The following MCTP2 variants were observed in gnomAD, a reference collection of about 807,000 sequenced individuals.
MCTP2 encodes the protein multiple C2 and transmembrane domain-containing protein 2.
MCTP2 carries 132 observed loss-of-function variants against 111.6 expected under a neutral mutation model. That is an observed-to-expected ratio of 1.18 (90% CI 1.03 to 1.37). MCTP2 has a LOEUF of 1.37. MCTP2 is among the 40% of genes most tolerant of loss of function. The pLI, the probability that MCTP2 is intolerant of heterozygous loss-of-function variation, is 0.00. For synonymous variants in MCTP2, 395 were observed against 387.7 expected, an observed-to-expected ratio of 1.02 and a Z score of -0.22; for missense variants, 1,183 against 1,067.9, an observed-to-expected ratio of 1.11 and a Z score of -1.50.
chr15:94,384,188 T>G, intron 13 of MCTP2, 64 bp downstream of exon 13: 1 of 1,059,174 alleles, frequency 9.4e-7, no homozygotes, highest in Non-Finnish European at 1.4e-6. Flanking sequence ...GGCTCTTGAG[T>G]GGAATTTTCT....
intron 17 of MCTP2, among the ~76,000 whole-genome samples, chr15:94,417,682 T>G (rs2082435895): frequency 6.6e-6 from 1 of 152,088 alleles, no homozygotes; most frequent in South Asian, 2.1e-4. Context: ...ATCGTTCTTG[T>G]TTTTAGTGGC....
chr15:94,299,552 T>C (rs2075499723), intron 2 of MCTP2, among the ~76,000 whole-genome samples: 1 of 152,204 alleles, frequency 6.6e-6, no homozygotes, highest in Admixed American at 6.5e-5. Context: ...AATATAATGA[T>C]GACACAAATA....
chr15:94,460,092 C>T (rs1450897522), intron 20 of MCTP2, among the ~76,000 whole-genome samples: 3 of 152,174 alleles, frequency 2.0e-5, no homozygotes, highest in Non-Finnish European at 4.4e-5. Context: ...CAAGAAATCT[C>T]TATTTCAATG....
chr15:94,276,472 ATTAAG>A (rs529360615), intron 1 of MCTP2, among the ~76,000 whole-genome samples: 476 of 152,166 alleles, frequency 3.1e-3, no homozygotes, highest in African/African-American at 0.011. Context: ...AGTTCTAGCA[ATTAAG>A]TAAGAAATTC....
In MCTP2 at chr15:94,360,452, C is replaced by A. The variant is rs532542775; in HGVS notation, c.1301+1840C>A. Among the ~76,000 whole-genome samples the A allele has an allele frequency of 2.6e-5, 4 of 152,320 alleles. No individual in the cohort carries two copies. In the East Asian group the frequency reaches 7.7e-4, roughly 29 times the overall value. ...GTGATATACCAGGACCCTGCCAATA[C>A]GGATGGTAGTAGGATTTGAAATTTT... On this transcript the variant is annotated intron_variant, in intron 10 of 22. Coordinates refer to ENST00000357742, the MANE Select transcript of MCTP2 (RefSeq NM_001385001.1).
chr15:94,434,375 GC>G (rs1282409829), intron 17 of MCTP2, among the ~76,000 whole-genome samples: 1 of 124,748 alleles, frequency 8.0e-6, no homozygotes, highest in Admixed American at 7.6e-5. Context: ...ACCACTCCCA[GC>G]CTATTTTTTT....
At chr15:94,410,583 T>C (rs749801043) in intron 17 of MCTP2, among the ~76,000 whole-genome samples, 66 of 152,270 alleles carry the variant, frequency 4.3e-4, no homozygotes, top group Admixed American at 7.9e-4. Flanking sequence ...TTTCAATGAC[T>C]TAATACTTCC....
chr15:94,330,720 G>T (rs1299743880), intron 4 of MCTP2, among the ~76,000 whole-genome samples: 1 of 148,472 alleles, frequency 6.7e-6, no homozygotes, highest in African/African-American at 2.6e-5. Flanking sequence ...AGAGATGCAG[G>T]CATATGGGAG....
At chr15:94,362,279 T>C (rs2078981389) in intron 10 of MCTP2, among the ~76,000 whole-genome samples, 1 of 152,182 alleles carries the variant, frequency 6.6e-6, no homozygotes, top group Non-Finnish European at 1.5e-5. Flanking sequence ...TAATATAGAT[T>C]ATTCCATTTT....
intron 19 of MCTP2, among the ~76,000 whole-genome samples, chr15:94,448,650 C>G (rs2084264623): frequency 6.6e-6 from 1 of 152,188 alleles, no homozygotes; most frequent in Non-Finnish European, 1.5e-5. Flanking sequence ...CAGAACACTT[C>G]TGGTCCCAAG....
intron 12 of MCTP2, among the ~76,000 whole-genome samples, chr15:94,379,256 G>A (rs1420814315): frequency 6.6e-6 from 1 of 152,030 alleles, no homozygotes; most frequent in Non-Finnish European, 1.5e-5. Context: ...TGAAGAGTTG[G>A]TGAACAGTGG....
At chr15:94,266,797 A>T (rs2073563208) in intron 1 of MCTP2, among the ~76,000 whole-genome samples, 1 of 152,196 alleles carries the variant, frequency 6.6e-6, no homozygotes. Context: ...AGCAATGAAG[A>T]GTTGAGTCAG....
At chr15:94,377,375 C>T (rs1358636325) in intron 12 of MCTP2, among the ~76,000 whole-genome samples, 1 of 152,170 alleles carries the variant, frequency 6.6e-6, no homozygotes, top group African/African-American at 2.4e-5. Context: ...TTTTGAAAAA[C>T]ACATTAAAAA....
Position 94,390,084 on chromosome 15 carries a change from A to ATG in MCTP2, c.1788+4560_1788+4561insGT, listed in dbSNP as rs1567602683. 2.5e-3 allele frequency among the ~76,000 whole-genome samples: 49 copies of ATG among 19,306 alleles called. 1 individual carries two copies. The highest frequency in any genetic ancestry group is 8.3e-3 in the African/African-American group (44 of 5,274). The allele number at this position is 19,306 out of a possible 152,430, so 12.7% of individuals were successfully genotyped here. A position where few individuals can be genotyped will look rare whatever the true frequency, so the allele number is the denominator to read the frequency against. The stretch of plus-strand genomic sequence containing the variant: ...TATATATATATATATATATATATAT[A>ATG]TATATGTATATATATATATATATAT... On this transcript the variant is annotated intron_variant, in intron 14 of 22. Transcript: ENST00000357742.
At chr15:94,331,942 G>A (rs1596379766) in intron 4 of MCTP2, among the ~76,000 whole-genome samples, 1 of 152,192 alleles carries the variant, frequency 6.6e-6, no homozygotes, top group Non-Finnish European at 1.5e-5. Flanking sequence ...AAAAACAGCT[G>A]TGAGAAGCAT....
At chr15:94,443,376 G>A (rs766764486) in intron 19 of MCTP2, among the ~76,000 whole-genome samples, 4 of 152,130 alleles carry the variant, frequency 2.6e-5, no homozygotes, top group Non-Finnish European at 4.4e-5. Context: ...TCCTGGCAGC[G>A]TTTTCAGCTA....
At chr15:94,242,227 T>G (rs987018285) in intron 1 of MCTP2, among the ~76,000 whole-genome samples, 1 of 152,170 alleles carries the variant, frequency 6.6e-6, no homozygotes, top group African/African-American at 2.4e-5. Flanking sequence ...CTATCAGTTC[T>G]GCCATATATT....
At chr15:94,252,862 T>C in intron 1 of MCTP2, among the ~76,000 whole-genome samples, 1 of 152,200 alleles carries the variant, frequency 6.6e-6, no homozygotes, top group Non-Finnish European at 1.5e-5. Context: ...TTATTTACAA[T>C]TTCTACTTAT....
At position 94,339,444 on chromosome 15, in the gene MCTP2, T is replaced by C. The variant is rs1656205520; in HGVS notation, c.780+12T>C. On this transcript the variant is annotated intron_variant, in intron 5 of 22. Coordinates refer to ENST00000357742, the MANE Select transcript of MCTP2 (RefSeq NM_001385001.1). ...AGCTACGTGTGAAGGTAATCACAGA[T>C]AGCTTTCAAATCTGCTCCTTTATTA... 1 of 1,573,652 alleles carries C rather than the reference T, an allele frequency of 6.4e-7. No homozygotes were observed. The highest frequency in any genetic ancestry group is 1.9e-5 in the Admixed American group (1 of 51,882).
Sources: gnomAD v4.1 joint callset for allele counts (sites outside exome capture counted in the v4.1 genomes callset) on GRCh38, gnomAD v4.1.1 for gene constraint, MANE v1.5 for transcripts, NCBI Gene and HGNC (gene_info 2026-07-23, HGNC 2026-07-21) for gene names.